NR5A2: variants seen among roughly 807,000 people sequenced by gnomAD.
NR5A2 encodes nuclear receptor subfamily 5 group A member 2.
A neutral mutation model predicts 62.7 loss-of-function variants in NR5A2; 26 were observed. The observed-to-expected ratio is 0.41, with a 90% CI of 0.30 to 0.58. The LOEUF (loss-of-function observed/expected upper bound fraction) is 0.58, where lower values mean the gene tolerates loss of function less well. NR5A2 is among the 20% of genes least tolerant of loss of function. The probability of loss-of-function intolerance (pLI) is 0.22; values close to 1 mark genes in which losing one functional copy is unlikely to be tolerated. For synonymous variants in NR5A2, 246 were observed against 241.7 expected (o/e 1.02, Z -0.16); for missense variants, 541 against 669.1 (o/e 0.81, Z 2.11).
rs535464053 is a variant in NR5A2, at chr1:200,036,491, G to T, written c.65-3167G>T. ...CTTGGAGGGCAGTAATGAGCTTGAC[G>T]CTGGAAGCCTGGTGCCGCCGCCCCT... On this transcript the variant is annotated intron_variant, in intron 1 of 7. Coordinates refer to ENST00000367362, the MANE Select transcript of NR5A2 (RefSeq NM_205860.3). 3.3e-5 allele frequency among the ~76,000 whole-genome samples: 5 copies of T among 152,306 alleles called. No individual in the cohort carries two copies. In the South Asian group the frequency reaches 1.0e-3, roughly 32 times the overall value.
intron 7 of NR5A2, among the ~76,000 whole-genome samples, chr1:200,126,880 A>C (rs1165844588): frequency 6.6e-6 from 1 of 152,158 alleles, no homozygotes; most frequent in African/African-American, 2.4e-5. Context: ...TGCAAATAAA[A>C]TAATAAATGA....
intron 6 of NR5A2, among the ~76,000 whole-genome samples, chr1:200,118,019 CTTTTTTTTTT>C (rs397982581): frequency 8.5e-6 from 1 of 117,348 alleles, no homozygotes; most frequent in African/African-American, 3.2e-5. Flanking sequence ...TCGCCTTTTT[CTTTTTTTTTT>C]TTTTTTTGAG....
intron 7 of NR5A2, among the ~76,000 whole-genome samples, chr1:200,137,757 G>C (rs961810039): frequency 6.6e-6 from 1 of 152,142 alleles, no homozygotes; most frequent in Non-Finnish European, 1.5e-5. Context: ...AGACAGGATA[G>C]AGTTTAGTAA....
chr1:200,031,313 A>G (rs1661538598), intron 1 of NR5A2, among the ~76,000 whole-genome samples: 1 of 152,080 alleles, frequency 6.6e-6, no homozygotes, highest in Non-Finnish European at 1.5e-5. Flanking sequence ...AGACCAGCCT[A>G]GGCAACATAG....
At chr1:200,069,590 C>T (rs1004001170) in intron 5 of NR5A2, among the ~76,000 whole-genome samples, 1 of 152,114 alleles carries the variant, frequency 6.6e-6, no homozygotes, top group African/African-American at 2.4e-5. Context: ...TATAGTATTG[C>T]ATATAGATAC....
chr1:200,123,824 G>A (rs1412705562), intron 7 of NR5A2, among the ~76,000 whole-genome samples: 14 of 136,154 alleles, frequency 1.0e-4, no homozygotes, highest in African/African-American at 2.2e-4. Flanking sequence ...TTTTTGAAAC[G>A]GAGTTTCACT....
chr1:200,048,688 A>G lies in NR5A2; in HGVS notation c.980A>G (p.Gln327Arg). The change falls in exon 5 of 8, where the codon CAG becomes CGG. Residue 327 changes from glutamine to arginine, a missense_variant. By Grantham distance (43) the Gln-to-Arg change is conservative (BLOSUM62 1). Coordinates refer to ENST00000367362, the MANE Select transcript of NR5A2 (RefSeq NM_205860.3). This position sits in a 1 kb window ranked among gnomAD's most constrained non-coding sequence, Gnocchi z 4.8. ...CAGGCTAAAATCATGGCCTATTTGC[A>G]GCAAGAGCAGGCTAACCGAAGCAAG... ...QVQAKIMAYL[Q>R]QEQANRSKHE... 1 of 1,614,242 alleles carries G rather than the reference A, an allele frequency of 6.2e-7. No individual in the cohort carries two copies. Among genetic ancestry groups the G allele is most frequent in the East Asian group, 2.2e-5 (1 of 44,888 alleles).
Position 200,126,683 on chromosome 1 carries a change from A to AT in NR5A2, c.1378+5745dup, listed in dbSNP as rs3034021. On this transcript the variant is annotated intron_variant, in intron 7 of 7. Transcript: ENST00000367362. ...GATAAGTCTTCACATTATGAAGGGG[A>AT]TTTTTTTTTTTTTTTTTAATTTTTA... 5.9e-3 allele frequency among the ~76,000 whole-genome samples: 850 copies of AT among 145,000 alleles called. 3 individuals are homozygous for AT. Among genetic ancestry groups the AT allele is most frequent in the South Asian group, 0.017 (80 of 4,596 alleles).
Position 200,174,180 on chromosome 1 carries a change from C to G in NR5A2, c.1596C>G (p.Leu532=), listed in dbSNP as rs139798381. ...LNGDVPYNNL[L]IEMLHAKRA ...GGGATGTGCCCTATAATAACCTTCTCATTGAAATGTTGCATGCCAAAAGAG... is the reference window on the plus strand; with the variant it reads ...GGGATGTGCCCTATAATAACCTTCTGATTGAAATGTTGCATGCCAAAAGAG... Residue 532 remains leucine, a synonymous_variant, in exon 8 of 8, where the codon CTC becomes CTG. Transcript: ENST00000367362. 3.7e-6 allele frequency: 6 copies of G among 1,605,790 alleles called. No homozygotes were observed. In the East Asian group the frequency reaches 1.3e-4, roughly 36 times the overall value.
rs183409174 is a variant in NR5A2 at position 200,148,461 on chromosome 1, C to A, written c.1379-25502C>A. 2.7e-3 allele frequency among the ~76,000 whole-genome samples: 410 copies of A among 152,340 alleles called. 1 individual carries two copies. Among genetic ancestry groups the A allele is most frequent in the Non-Finnish European group, 4.3e-3 (295 of 68,020 alleles). On this transcript the variant is annotated intron_variant, in intron 7 of 7. Transcript: ENST00000367362. ...AGACACCAGCCCCAGGCAGCCCCCT[C>A]CTGGGGGTCACCTGCCAGCAACTCG...
intron 6 of NR5A2, among the ~76,000 whole-genome samples, chr1:200,111,700 C>G (rs1357368037): frequency 1.3e-5 from 2 of 152,098 alleles, no homozygotes; most frequent in Non-Finnish European, 2.9e-5. Context: ...GGAGTCCTTA[C>G]TATTTTGGAA....
intron 5 of NR5A2, among the ~76,000 whole-genome samples, chr1:200,061,052 G>A (rs1265169067): frequency 6.8e-6 from 1 of 147,246 alleles, no homozygotes; most frequent in African/African-American, 2.5e-5. Flanking sequence ...CCCAGGAGGC[G>A]AAGGTTGCAG....
At chr1:200,043,710 TGCAGGA>T in intron 2 of NR5A2, 58 bp from the exon 3 acceptor site, 1 of 1,030,964 alleles carries the variant, frequency 9.7e-7, no homozygotes, top group Admixed American at 2.3e-5. Context: ...TGCTTTTTGT[TGCAGGA>T]TTAACACCTA....
chr1:200,046,110 T>C (rs1053873230), intron 4 of NR5A2, among the ~76,000 whole-genome samples: 4 of 152,152 alleles, frequency 2.6e-5, no homozygotes, highest in Non-Finnish European at 4.4e-5. Flanking sequence ...TCTTTGATAG[T>C]GTAGAAATGT....
Position 200,057,428 on chromosome 1 carries a change from T to C in NR5A2, c.1110+8610T>C, listed in dbSNP as rs535384303. On this transcript the variant is annotated intron_variant, in intron 5 of 7. Coordinates refer to ENST00000367362, the MANE Select transcript of NR5A2 (RefSeq NM_205860.3). ...TGGAGGATACGTCCGTCAGTCATAA[T>C]GACTCATAGAGATGTCAAGTTAATT... 50 of 218,186 alleles carry C rather than the reference T, an allele frequency of 2.3e-4. 1 individual carries two copies. In the Admixed American group the frequency reaches 2.9e-3, roughly 13 times the overall value. The allele number at this position is 218,186 out of a possible 1,614,324, so 13.5% of individuals were successfully genotyped here. A position where few individuals can be genotyped will look rare whatever the true frequency, so the allele number is the denominator to read the frequency against.
chr1:200,133,477 A>T (rs954753756), intron 7 of NR5A2, among the ~76,000 whole-genome samples: 3 of 149,320 alleles, frequency 2.0e-5, no homozygotes, highest in African/African-American at 7.4e-5. Context: ...GTCAAGCGTT[A>T]TATAATGATG....
At chr1:200,066,888 A>G (rs1406869365) in intron 5 of NR5A2, among the ~76,000 whole-genome samples, 1 of 152,104 alleles carries the variant, frequency 6.6e-6, no homozygotes, top group Non-Finnish European at 1.5e-5. Flanking sequence ...CCTGCCATCT[A>G]TTTTAAAGTT....
At chr1:200,089,523 T>G (rs910255410) in intron 5 of NR5A2, among the ~76,000 whole-genome samples, 2 of 151,904 alleles carry the variant, frequency 1.3e-5, no homozygotes, top group Non-Finnish European at 2.9e-5. Context: ...CAGGATGGAG[T>G]GCAGTGGCAC....
intron 2 of NR5A2, chr1:200,042,854 C>A: frequency 1.0e-6 from 1 of 985,530 alleles, no homozygotes. Context: ...GCTGCGAAGA[C>A]GCCTTCGTGG....
Sources: gnomAD v4.1 joint callset for allele counts (sites outside exome capture counted in the v4.1 genomes callset) on GRCh38, gnomAD v4.1.1 for gene constraint, Gnocchi (gnomAD v3.1) non-coding constraint, MANE v1.5 for transcripts, NCBI Gene and HGNC (gene_info 2026-07-23, HGNC 2026-07-21) for gene names.